CD4: variants seen among roughly 807,000 people sequenced by gnomAD.
The protein encoded by CD4 is CD4 molecule.
CD4 carries 25 observed loss-of-function variants against 50.5 expected under a neutral mutation model. That is an observed-to-expected ratio of 0.49 (90% CI 0.36 to 0.69). The LOEUF is 0.69. CD4 is among the 30% of genes least tolerant of loss of function. The pLI is 0.00. For synonymous variants in CD4, 207 were observed against 221.9 expected, an observed-to-expected ratio of 0.93 and a Z score of 0.60; for missense variants, 456 against 548.5, an observed-to-expected ratio of 0.83 and a Z score of 1.68.
chr12:6,817,360 T>A (rs1206732859), intron 7 of CD4, 30 bp downstream of exon 7: 3 of 1,539,072 alleles, frequency 1.9e-6, no homozygotes, highest in Admixed American at 3.9e-5. Flanking sequence ...GGCCTCTGCC[T>A]CCTGGGCTGC....
At chr12:6,794,985 C>G (rs1180756939) in intron 1 of CD4, among the ~76,000 whole-genome samples, 2 of 149,968 alleles carry the variant, frequency 1.3e-5, no homozygotes, top group Non-Finnish European at 3.0e-5. Flanking sequence ...AGGGTTTCAC[C>G]ATGTTGGTCA....
chr12:6,799,729 C>T lies in CD4; in HGVS notation c.-67-343C>T, dbSNP rs185353058. 4 of 170,052 alleles carry T rather than the reference C, an allele frequency of 2.4e-5. No individual in the cohort carries two copies. The East Asian group carries it at 5.0e-4, about 21-fold the overall frequency. 10.5% of individuals were successfully genotyped at this position (170,052 alleles called of 1,614,324 possible). On this transcript the variant is annotated intron_variant, in intron 1 of 9. Coordinates refer to ENST00000011653, the MANE Select transcript of CD4 (RefSeq NM_000616.5). ...CTCCTGACCGCAAGTGATCCACCCA[C>T]CTCGGCCTCCCAAAGCACTGGGATT... is the stretch of plus-strand genomic sequence containing the variant.
rs1942424446 is a variant in CD4, at chr12:6,798,068, G to A, written c.-67-2004G>A. Among the ~76,000 whole-genome samples, 4 of 152,190 alleles carry A rather than the reference G, an allele frequency of 2.6e-5. No homozygotes were observed. The South Asian group carries it at 6.2e-4, about 24-fold the overall frequency. Reference sequence around the variant, plus strand: ...ACCTGGACAATACCTAGGCTTTCTCGGGCAGGGGTTCCTGCGGCCTTCCAC... The same window carrying A: ...ACCTGGACAATACCTAGGCTTTCTCAGGCAGGGGTTCCTGCGGCCTTCCAC... On this transcript the variant is annotated intron_variant, in intron 1 of 9. Transcript: ENST00000011653.
chr12:6,817,820 CTCACACACTG>C (rs1943127571), intron 7 of CD4, among the ~76,000 whole-genome samples: 3 of 151,332 alleles, frequency 2.0e-5, no homozygotes, highest in African/African-American at 7.3e-5. Context: ...CACCCATGCA[CTCACACACTG>C]TCACACACTC....
chr12:6,818,695 G>A lies in CD4; in HGVS notation c.1279-152G>A. Reference sequence around the variant, plus strand: ...TGTCCCAGATCCCACTCAAGGGAGAGACAGGAAGGAGCAGAGAGTTAATTC... The same window carrying A: ...TGTCCCAGATCCCACTCAAGGGAGAAACAGGAAGGAGCAGAGAGTTAATTC... On this transcript the variant is annotated intron_variant, in intron 8 of 9. Transcript: ENST00000011653. The surrounding 1 kb of genome is among the most constrained non-coding windows in gnomAD (Gnocchi z 5.0). The A allele has an allele frequency of 1.1e-5, 13 of 1,198,400 alleles. No individual in the cohort carries two copies. The South Asian group carries it at 1.7e-4, about 16-fold the overall frequency. The allele number at this position is 1,198,400 out of a possible 1,614,324, so 74.2% of individuals were successfully genotyped here. A position where few individuals can be genotyped will look rare whatever the true frequency, so the allele number is the denominator to read the frequency against.
chr12:6,791,597 T>C (rs1427703236), intron 1 of CD4, among the ~76,000 whole-genome samples: 2 of 152,172 alleles, frequency 1.3e-5, no homozygotes, highest in Admixed American at 1.3e-4. Flanking sequence ...ATACCTGTGA[T>C]GGGCCGGGCG....
In CD4 at chr12:6,816,714, C is replaced by T. The variant is rs1327654777; in HGVS notation, c.955+311C>T. Among the ~76,000 whole-genome samples, 5 of 152,166 alleles carry T rather than the reference C, an allele frequency of 3.3e-5. No individual in the cohort carries two copies. Among genetic ancestry groups the T allele is most frequent in the African/African-American group, 7.2e-5 (3 of 41,438 alleles). On this transcript the variant is annotated intron_variant, in intron 6 of 9. Transcript: ENST00000011653. The surrounding 1 kb of genome is among the most constrained non-coding windows in gnomAD (Gnocchi z 4.9). The stretch of plus-strand genomic sequence containing the variant: ...ACTGCAGGCCTGCTTCCTGACCTGT[C>T]TAATAAGGATAATGAAATCTGCTCT...
rs3213427 is a variant in CD4 at position 6,819,581 on chromosome 12, T to C, written c.*252T>C. ...CCTTCAAGCCTAGCCCTTCTCTCAT[T>C]ATTTCTCTCTGACCCTCTCCCCACT... On this transcript the variant is annotated 3_prime_UTR_variant, in exon 10 of 10. Transcript: ENST00000011653. 209,967 of 547,690 alleles carry C rather than the reference T, an allele frequency of 0.38. 43,497 individuals carry two copies. Among genetic ancestry groups the C allele is most frequent in the Non-Finnish European group, 0.45 (137,847 of 304,456 alleles). 33.9% of individuals were successfully genotyped at this position (547,690 alleles called of 1,614,324 possible). A position where few individuals can be genotyped will look rare whatever the true frequency, so the allele number is the denominator to read the frequency against.
At chr12:6,804,162 G>GCACACA (rs57392353) in intron 3 of CD4, among the ~76,000 whole-genome samples, 36 of 150,352 alleles carry the variant, frequency 2.4e-4, no homozygotes, top group East Asian at 5.8e-4. Context: ...AAAATAAAAA[G>GCACACA]CACACACACA....
At position 6,818,440 on chromosome 12, in the gene CD4, C is replaced by G. The variant is rs782029659; in HGVS notation, c.1176C>G (p.Thr392=). 22 of 1,612,638 alleles carry G rather than the reference C, an allele frequency of 1.4e-5. No homozygotes were observed. The highest frequency in any genetic ancestry group is 1.8e-5 in the Non-Finnish European group (21 of 1,180,026). Residue 392 remains threonine, a synonymous_variant, in exon 8 of 10, where the codon ACC becomes ACG. Transcript: ENST00000011653. The surrounding 1 kb of genome is among the most constrained non-coding windows in gnomAD (Gnocchi z 5.0). ...SNIKVLPTWS[T]PVQPMALIVL... is the part of the protein sequence containing the mutation. ...TTGCAGTTCTGCCCACATGGTCCAC[C>G]CCGGTGCAGCCAATGGCCCTGATTG... is the stretch of plus-strand genomic sequence containing the variant.
At chr12:6,803,238 C>T (rs929762638) in intron 3 of CD4, among the ~76,000 whole-genome samples, 3 of 152,084 alleles carry the variant, frequency 2.0e-5, no homozygotes, top group African/African-American at 7.2e-5. Flanking sequence ...GCAACCTCCA[C>T]CTCCTGGGTT....
chr12:6,793,080 C>A, intron 1 of CD4, among the ~76,000 whole-genome samples: 1 of 152,098 alleles, frequency 6.6e-6, no homozygotes, highest in Admixed American at 6.6e-5. Context: ...TAAGACACCT[C>A]TGGGGACGCT....
At chr12:6,802,270 A>G (rs1467035951) in intron 3 of CD4, among the ~76,000 whole-genome samples, 1 of 151,872 alleles carries the variant, frequency 6.6e-6, no homozygotes, top group Non-Finnish European at 1.5e-5. Context: ...GCATACTTCT[A>G]TCACTCAGAG....
chr12:6,803,831 G>T (rs1025299214), intron 3 of CD4, among the ~76,000 whole-genome samples: 2 of 150,164 alleles, frequency 1.3e-5, no homozygotes. Context: ...GTAAATAAAG[G>T]TCAGGAGTGG....
chr12:6,793,672 CTATCTATCTATCT>C (rs1565488063), intron 1 of CD4, among the ~76,000 whole-genome samples: 1 of 93,328 alleles, frequency 1.1e-5, no homozygotes, highest in Admixed American at 1.0e-4. Flanking sequence ...ATCTATCTAT[CTATCTATCTATCT>C]ATCTATCTAT....
chr12:6,808,660 GT>G (rs1359437435), intron 3 of CD4, among the ~76,000 whole-genome samples: 1 of 151,784 alleles, frequency 6.6e-6, no homozygotes, highest in Non-Finnish European at 1.5e-5. Flanking sequence ...GTAAATATTG[GT>G]TTTGGTGCTA....
chr12:6,817,941 A>G (rs1229682957), intron 7 of CD4, among the ~76,000 whole-genome samples: 4 of 151,650 alleles, frequency 2.6e-5, no homozygotes, highest in Non-Finnish European at 4.4e-5. Flanking sequence ...TCACACACTT[A>G]TACACTCACA....
Position 6,818,603 on chromosome 12 carries a change from G to A in CD4, c.1278+61G>A. ...CAAACCCCTGAGTCCTCTACCAGGA[G>A]ATCCTGTATATGGGAACTGATTTTG... On this transcript the variant is annotated intron_variant, in intron 8 of 9. Transcript: ENST00000011653. This position sits in a 1 kb window ranked among gnomAD's most constrained non-coding sequence, Gnocchi z 5.0. 1 of 1,603,328 alleles carries A rather than the reference G, an allele frequency of 6.2e-7. No homozygotes were observed. Among genetic ancestry groups the A allele is most frequent in the South Asian group, 1.1e-5 (1 of 90,476 alleles).
chr12:6,797,306 G>A (rs1942401210), intron 1 of CD4, among the ~76,000 whole-genome samples: 1 of 151,856 alleles, frequency 6.6e-6, no homozygotes, highest in Non-Finnish European at 1.5e-5. Flanking sequence ...CCAAACCCTG[G>A]ACCAACGCCT....
Sources: allele counts gnomAD v4.1 joint callset (sites outside exome capture counted in the v4.1 genomes callset), GRCh38; gene constraint gnomAD v4.1.1; non-coding constraint Gnocchi (gnomAD v3.1); transcripts MANE v1.5; gene names NCBI Gene and HGNC (gene_info 2026-07-23, HGNC 2026-07-21).